Variants in AEBP2 observed in about 807,000 individuals in gnomAD.
The protein encoded by AEBP2 is AE binding protein 2, also known as zinc finger protein AEBP2.
AEBP2 carries 10 observed loss-of-function variants against 50.8 expected under a neutral mutation model. The observed-to-expected ratio is 0.20, with a 90% CI of 0.12 to 0.33. The LOEUF is 0.33. AEBP2 is among the 10% of genes least tolerant of loss of function. The pLI is 1.00. For missense variants in AEBP2, 570 were observed against 688.0 expected (o/e 0.83, Z 1.92); for synonymous variants, 296 against 261.3 (o/e 1.13, Z -1.28).
At chr12:19,437,306 G>T (rs373543438), upstream of AEBP2, among the ~76,000 whole-genome samples, 1 of 152,138 alleles carries the variant, frequency 6.6e-6, no homozygotes, top group Admixed American at 6.6e-5. Flanking sequence ...ACTTCTGAAG[G>T]CTCCTGTGTC....
intron 3 of AEBP2, among the ~76,000 whole-genome samples, chr12:19,479,505 T>A (rs970636315): frequency 5.3e-5 from 8 of 152,274 alleles, no homozygotes; most frequent in African/African-American, 1.9e-4. Flanking sequence ...CATCAGGTTA[T>A]CTGAAGTCAG....
chr12:19,502,602 A>G (rs146702896), intron 5 of AEBP2, among the ~76,000 whole-genome samples: 1 of 149,816 alleles, frequency 6.7e-6, no homozygotes, highest in African/African-American at 2.5e-5. Context: ...GTAGGTGTGC[A>G]GTTTTATTTC....
chr12:19,426,092 C>A (rs1163973438), intron 1 of AEBP2, among the ~76,000 whole-genome samples: 2 of 152,082 alleles, frequency 1.3e-5, no homozygotes, highest in South Asian at 4.1e-4. Context: ...TGCACCACCA[C>A]AACTGGCTAA....
rs1436135386 is a variant in AEBP2 at position 19,520,563 on chromosome 12, T to C, written c.*2446T>C. 6.6e-6 allele frequency: 1 copy of C among 152,226 alleles called. No homozygotes were observed. Among genetic ancestry groups the C allele is most frequent in the African/African-American group, 2.4e-5 (1 of 41,460 alleles). The allele number at this position is 152,226 out of a possible 1,614,324, so 9.4% of individuals were successfully genotyped here. Reference sequence around the variant, plus strand: ...TGAAAATTTTAATTTGTGGTTTTCATTTATTAATGTCTGCCCATCTGTATT... The same window carrying C: ...TGAAAATTTTAATTTGTGGTTTTCACTTATTAATGTCTGCCCATCTGTATT... On this transcript the variant is annotated 3_prime_UTR_variant, in exon 8 of 8. Coordinates refer to ENST00000266508, the MANE Select transcript of AEBP2 (RefSeq NM_153207.5).
At chr12:19,487,258 T>A (rs1163088595) in intron 3 of AEBP2, among the ~76,000 whole-genome samples, 1 of 152,206 alleles carries the variant, frequency 6.6e-6, no homozygotes, top group Non-Finnish European at 1.5e-5. Flanking sequence ...TATTGTGTTA[T>A]GGTGAAAAGG....
intron 1 of AEBP2, among the ~76,000 whole-genome samples, chr12:19,428,970 C>T (rs895472654): frequency 6.6e-6 from 1 of 152,114 alleles, no homozygotes; most frequent in Non-Finnish European, 1.5e-5. Context: ...AAAACCCCAT[C>T]TCTACAATTT....
At chr12:19,502,238 G>A (rs983393924) in intron 5 of AEBP2, among the ~76,000 whole-genome samples, 2 of 152,110 alleles carry the variant, frequency 1.3e-5, no homozygotes, top group African/African-American at 2.4e-5. Context: ...AGGTTCAAGC[G>A]ATCCCCCTCC....
chr12:19,461,589 A>G (rs1021476484), intron 1 of AEBP2, among the ~76,000 whole-genome samples: 3 of 151,722 alleles, frequency 2.0e-5, no homozygotes, highest in African/African-American at 4.8e-5. Context: ...GGCTCACTCC[A>G]ACCTCCGCCT....
At chr12:19,427,634 G>A (rs1305110778) in intron 1 of AEBP2, among the ~76,000 whole-genome samples, 3 of 151,616 alleles carry the variant, frequency 2.0e-5, no homozygotes, top group African/African-American at 7.2e-5. Context: ...TATTGCCCTT[G>A]TTTCTCTAAA....
chr12:19,458,566 A>G (rs1948314830), intron 1 of AEBP2, among the ~76,000 whole-genome samples: 1 of 152,222 alleles, frequency 6.6e-6, no homozygotes, highest in South Asian at 2.1e-4. Context: ...GATATCACAC[A>G]TAGACTCAAC....
chr12:19,408,514 G>C (rs1208523653), intron 1 of AEBP2, among the ~76,000 whole-genome samples: 1 of 148,728 alleles, frequency 6.7e-6, no homozygotes, highest in Non-Finnish European at 1.5e-5. Context: ...GCACCACTGC[G>C]CTCCAGCCTG....
At chr12:19,478,068 T>C (rs1009242494) in intron 3 of AEBP2, among the ~76,000 whole-genome samples, 2 of 152,226 alleles carry the variant, frequency 1.3e-5, no homozygotes, top group East Asian at 1.9e-4. Context: ...TATTTAGATA[T>C]CGTTCTTCTT....
intron 1 of AEBP2, among the ~76,000 whole-genome samples, chr12:19,428,052 C>A (rs1565698399): frequency 6.6e-6 from 1 of 151,912 alleles, no homozygotes. Context: ...GCCTGGGCAA[C>A]ATGGCAAAAC....
At chr12:19,492,629 T>A (rs1019572326) in intron 3 of AEBP2, among the ~76,000 whole-genome samples, 4 of 151,744 alleles carry the variant, frequency 2.6e-5, no homozygotes, top group Non-Finnish European at 5.9e-5. Flanking sequence ...AAATATTAAA[T>A]GTAGTCCGTA....
chr12:19,501,877 G>A (rs769312155), intron 5 of AEBP2, among the ~76,000 whole-genome samples: 7 of 134,028 alleles, frequency 5.2e-5, no homozygotes, highest in Admixed American at 8.9e-5. Flanking sequence ...TTCTGCGACC[G>A]TGGTTACAAC....
chr12:19,407,195 G>A (rs534633082), intron 1 of AEBP2, among the ~76,000 whole-genome samples: 1 of 152,182 alleles, frequency 6.6e-6, no homozygotes, highest in Non-Finnish European at 1.5e-5. Context: ...CTACTCCGGA[G>A]GCTAAGGTGG....
chr12:19,505,198 T>G (rs1949137060), intron 5 of AEBP2, among the ~76,000 whole-genome samples: 1 of 152,178 alleles, frequency 6.6e-6, no homozygotes, highest in South Asian at 2.1e-4. Flanking sequence ...CTTTGAAATT[T>G]GGGAACATAG....
chr12:19,484,250 ATT>A (rs59403434), intron 3 of AEBP2, among the ~76,000 whole-genome samples: 74,348 of 108,274 alleles, frequency 0.69, 24,681 homozygotes, highest in Non-Finnish European at 0.71. Flanking sequence ...CGCCCAGCCA[ATT>A]TTTTTTTTTT....
Position 19,521,871 on chromosome 12 carries a change from C to G in AEBP2, c.*3754C>G, listed in dbSNP as rs970451582. 1.3e-5 allele frequency: 2 copies of G among 151,954 alleles called. No individual in the cohort carries two copies. Among genetic ancestry groups the G allele is most frequent in the Admixed American group, 1.3e-4 (2 of 15,252 alleles). The allele number at this position is 151,954 out of a possible 1,614,324, so 9.4% of individuals were successfully genotyped here. A position where few individuals can be genotyped will look rare whatever the true frequency, so the allele number is the denominator to read the frequency against. On this transcript the variant is annotated 3_prime_UTR_variant, in exon 8 of 8. Coordinates refer to ENST00000266508, the MANE Select transcript of AEBP2 (RefSeq NM_153207.5). ...AATGAGAAAATATGTATTAAAAATA[C>G]TTGATAGAGGGTTTTCTCTTTAATC... is the stretch of plus-strand genomic sequence containing the variant.
Sources: allele counts gnomAD v4.1 joint callset (sites outside exome capture counted in the v4.1 genomes callset), GRCh38; gene constraint gnomAD v4.1.1; transcripts MANE v1.5; gene names NCBI Gene and HGNC (gene_info 2026-07-23, HGNC 2026-07-21).